Variants in GAS2 observed in about 807,000 individuals in gnomAD.
The protein encoded by GAS2 is growth arrest-specific protein 2.
Under a neutral mutation model 37.5 loss-of-function variants are expected in GAS2, and 20 were observed. That is an observed-to-expected ratio of 0.53 (90% CI 0.37 to 0.77). GAS2 has a LOEUF of 0.77. Ranked by LOEUF, GAS2 falls within the 30% of genes least tolerant of loss-of-function variation. GAS2 has a pLI of 0.00. For missense variants in GAS2, 336 were observed against 373.4 expected, an observed-to-expected ratio of 0.90 and a Z score of 0.82; for synonymous variants, 144 against 132.2, an observed-to-expected ratio of 1.09 and a Z score of -0.61.
intron 4 of GAS2, among the ~76,000 whole-genome samples, chr11:22,732,566 C>T (rs999458938): frequency 6.6e-6 from 1 of 151,660 alleles, no homozygotes; most frequent in Non-Finnish European, 1.5e-5. Flanking sequence ...AAATTGCTAT[C>T]CCTATTTATC....
At chr11:22,705,630 T>C (rs1212338804) in intron 3 of GAS2, among the ~76,000 whole-genome samples, 2 of 152,200 alleles carry the variant, frequency 1.3e-5, no homozygotes, top group East Asian at 3.8e-4. Flanking sequence ...AACTTTCGTT[T>C]AACCATAACA....
intron 7 of GAS2, among the ~76,000 whole-genome samples, chr11:22,780,461 C>G (rs965877166): frequency 1.4e-4 from 21 of 151,404 alleles, no homozygotes; most frequent in African/African-American, 4.9e-4. Flanking sequence ...TGCCACTGCA[C>G]TCCAGCCTGG....
chr11:22,642,689 A>T (rs1485224959), intron 1 of GAS2, among the ~76,000 whole-genome samples: 1 of 152,192 alleles, frequency 6.6e-6, no homozygotes, highest in East Asian at 1.9e-4. Flanking sequence ...TCTTGTAATT[A>T]TGTTAAAAAT....
At chr11:22,782,599 C>T (rs1299059587) in intron 7 of GAS2, among the ~76,000 whole-genome samples, 1 of 151,740 alleles carries the variant, frequency 6.6e-6, no homozygotes, top group Non-Finnish European at 1.5e-5. Context: ...GTCTATTGTT[C>T]TCATCTTTAT....
At chr11:22,716,361 T>C (rs1017293826) in intron 3 of GAS2, among the ~76,000 whole-genome samples, 3 of 152,078 alleles carry the variant, frequency 2.0e-5, no homozygotes, top group African/African-American at 4.8e-5. Context: ...GAAAGGGTAT[T>C]CAGGCCGGGG....
chr11:22,728,929 G>A (rs1257066997), intron 4 of GAS2, among the ~76,000 whole-genome samples: 3 of 150,660 alleles, frequency 2.0e-5, no homozygotes, highest in African/African-American at 4.9e-5. Context: ...GCTGCTGATG[G>A]CTTTGGACTC....
rs774292204 is a variant in GAS2, at chr11:22,685,712, G to T, written c.190G>T (p.Gly64Cys). 6.2e-6 allele frequency: 10 copies of T among 1,613,510 alleles called. No homozygotes were observed. The highest frequency in any genetic ancestry group is 8.5e-6 in the Non-Finnish European group (10 of 1,179,746). ...AACTTTTATGGAGAAGTTGGACAAT[G>T]GTGCCTTGCTCTGTCAACTTGCAGA... ...AETFMEKLDN[G>C]ALLCQLAETM... Residue 64 changes from glycine to cysteine, a missense_variant, in exon 3 of 8, where the codon GGT becomes TGT. Transcript: ENST00000454584.
intron 3 of GAS2, among the ~76,000 whole-genome samples, chr11:22,701,561 G>T (rs573465734): frequency 6.6e-6 from 1 of 152,298 alleles, no homozygotes; most frequent in African/African-American, 2.4e-5. Flanking sequence ...GGGCGCGGTG[G>T]CTCACGCCTG....
At chr11:22,652,455 A>T (rs7124449) in intron 1 of GAS2, among the ~76,000 whole-genome samples, 1 of 152,078 alleles carries the variant, frequency 6.6e-6, no homozygotes, top group African/African-American at 2.4e-5. Context: ...CCATCCAGTT[A>T]GAGCTTCCCG....
chr11:22,759,133 TAAC>T (rs766148311), intron 7 of GAS2, among the ~76,000 whole-genome samples: 2 of 152,058 alleles, frequency 1.3e-5, no homozygotes, highest in Non-Finnish European at 2.9e-5. Context: ...ACAGATACAG[TAAC>T]AACAACTATG....
At chr11:22,681,600 A>G (rs560731347) in intron 2 of GAS2, among the ~76,000 whole-genome samples, 9 of 152,144 alleles carry the variant, frequency 5.9e-5, no homozygotes, top group African/African-American at 9.6e-5. Flanking sequence ...ACCAACCACA[A>G]TGAAATGCTG....
chr11:22,636,339 T>C (rs1858820884), intron 1 of GAS2, among the ~76,000 whole-genome samples: 1 of 152,122 alleles, frequency 6.6e-6, no homozygotes, highest in Non-Finnish European at 1.5e-5. Context: ...AAAAGACGCT[T>C]TCACAAACAA....
At chr11:22,652,382 C>G (rs917323075) in intron 1 of GAS2, among the ~76,000 whole-genome samples, 5 of 152,226 alleles carry the variant, frequency 3.3e-5, no homozygotes, top group Admixed American at 1.3e-4. Flanking sequence ...TTGTTTATCT[C>G]TGCCCTGCCC....
chr11:22,667,389 G>A (rs1565073464), intron 1 of GAS2, among the ~76,000 whole-genome samples: 1 of 152,188 alleles, frequency 6.6e-6, no homozygotes, highest in African/African-American at 2.4e-5. Context: ...TACTTGAGTC[G>A]TTGAGGCCAG....
intron 5 of GAS2, among the ~76,000 whole-genome samples, chr11:22,740,010 C>T (rs1038524243): frequency 3.3e-5 from 5 of 151,746 alleles, no homozygotes; most frequent in African/African-American, 9.7e-5. Context: ...TTAGGGAGCC[C>T]GCTGAATAAA....
intron 7 of GAS2, among the ~76,000 whole-genome samples, chr11:22,810,807 G>A (rs986224779): frequency 4.8e-5 from 1 of 20,940 alleles, no homozygotes; most frequent in African/African-American, 5.2e-5. Flanking sequence ...CTGGCTGGGA[G>A]TCAAAAAAAA....
At chr11:22,789,452 A>ATATATATATATATATG (rs1856021058) in intron 7 of GAS2, among the ~76,000 whole-genome samples, 1 of 74,240 alleles carries the variant, frequency 1.3e-5, no homozygotes, top group Admixed American at 1.6e-4. Context: ...ATATATATAT[A>ATATATATATATATATG]TATTCTTTTT....
intron 3 of GAS2, among the ~76,000 whole-genome samples, chr11:22,686,929 A>AT (rs1849989406): frequency 6.6e-6 from 1 of 151,930 alleles, no homozygotes. Context: ...ACCTCCCTCT[A>AT]TTTTTTTATT....
In GAS2 at chr11:22,755,973, T is replaced by G; in HGVS notation, c.723+20T>G. 1 of 1,519,386 alleles carries G rather than the reference T, an allele frequency of 6.6e-7. No individual in the cohort carries two copies. Among genetic ancestry groups the G allele is most frequent in the Non-Finnish European group, 9.1e-7 (1 of 1,100,580 alleles). The allele number at this position is 1,519,386 out of a possible 1,614,324, so 94.1% of individuals were successfully genotyped here. A position where few individuals can be genotyped will look rare whatever the true frequency, so the allele number is the denominator to read the frequency against. ...ATTAGGGTAAAGTTTTACTTTTCAC[T>G]TATCTTGTTTTTATGGGAAGATTCA... On this transcript the variant is annotated intron_variant, in intron 7 of 7. Coordinates refer to ENST00000454584, the MANE Select transcript of GAS2 (RefSeq NM_001143830.3).
Sources: gnomAD v4.1 joint callset for allele counts (sites outside exome capture counted in the v4.1 genomes callset) on GRCh38, gnomAD v4.1.1 for gene constraint, MANE v1.5 for transcripts, NCBI Gene and HGNC (gene_info 2026-07-23, HGNC 2026-07-21) for gene names.